CDH12: variants seen among roughly 807,000 people sequenced by gnomAD.
CDH12 encodes the protein cadherin-12.
CDH12 carries 41 observed loss-of-function variants against 74.1 expected under a neutral mutation model. That is an observed-to-expected ratio of 0.55 (90% CI 0.43 to 0.72). The LOEUF is 0.72. CDH12 is among the 30% of genes least tolerant of loss of function. CDH12 has a pLI of 0.00. For synonymous variants in CDH12, 399 were observed against 355.0 expected (o/e 1.12, Z -1.39); for missense variants, 945 against 977.2 (o/e 0.97, Z 0.44).
intron 1 of CDH12, among the ~76,000 whole-genome samples, chr5:22,768,642 A>T (rs1243479305): frequency 6.6e-6 from 1 of 152,262 alleles, no homozygotes; most frequent in Non-Finnish European, 1.5e-5. Context: ...CTCTATCATC[A>T]TCTATAAAGA....
At chr5:22,705,045 C>T (rs993745998) in intron 1 of CDH12, among the ~76,000 whole-genome samples, 28 of 151,020 alleles carry the variant, frequency 1.9e-4, no homozygotes, top group African/African-American at 2.4e-4. Flanking sequence ...TATACACACA[C>T]GCATATATAA....
chr5:22,388,344 T>C (rs1742089362), intron 3 of CDH12, among the ~76,000 whole-genome samples: 1 of 151,914 alleles, frequency 6.6e-6, no homozygotes. Flanking sequence ...TGTATAATAA[T>C]ATATTAAAGA....
At chr5:22,831,287 A>G (rs1398543614) in intron 1 of CDH12, among the ~76,000 whole-genome samples, 1 of 152,068 alleles carries the variant, frequency 6.6e-6, no homozygotes, top group African/African-American at 2.4e-5. Context: ...AATTAGTGAA[A>G]GAGAATTGAG....
At chr5:21,950,743 T>C (rs1354984530) in intron 6 of CDH12, among the ~76,000 whole-genome samples, 3 of 145,984 alleles carry the variant, frequency 2.1e-5, no homozygotes, top group Admixed American at 7.0e-5. Context: ...ATATATCAGC[T>C]ACATAAATTT....
intron 6 of CDH12, among the ~76,000 whole-genome samples, chr5:21,885,803 T>A (rs1752599575): frequency 6.6e-6 from 1 of 152,150 alleles, no homozygotes; most frequent in Non-Finnish European, 1.5e-5. Context: ...CAGTATATTA[T>A]TAAATCTTAT....
chr5:22,533,916 G>A (rs1367772754), intron 1 of CDH12, among the ~76,000 whole-genome samples: 1 of 152,134 alleles, frequency 6.6e-6, no homozygotes, highest in Non-Finnish European at 1.5e-5. Context: ...AGTTGTAGAA[G>A]TTCTAGTCCT....
chr5:22,531,312 T>C (rs1223958193), intron 1 of CDH12, among the ~76,000 whole-genome samples: 2 of 152,142 alleles, frequency 1.3e-5, no homozygotes, highest in African/African-American at 4.8e-5. Context: ...CATCTTAGTG[T>C]TTATATTTTC....
At chr5:22,435,537 T>C (rs1239944830) in intron 2 of CDH12, among the ~76,000 whole-genome samples, 4 of 150,450 alleles carry the variant, frequency 2.7e-5, no homozygotes, top group African/African-American at 9.8e-5. Context: ...TATACATATA[T>C]ACTATTAGTT....
intron 6 of CDH12, among the ~76,000 whole-genome samples, chr5:21,937,841 T>C (rs1336950750): frequency 6.6e-6 from 1 of 152,190 alleles, no homozygotes; most frequent in African/African-American, 2.4e-5. Flanking sequence ...CTCTCCACTG[T>C]GGGACCTTGG....
intron 4 of CDH12, chr5:22,143,245 C>T (rs1746921231): frequency 6.5e-6 from 1 of 153,310 alleles, no homozygotes; most frequent in African/African-American, 2.4e-5. Flanking sequence ...TTTATATATA[C>T]ATAAACCTAA....
intron 3 of CDH12, among the ~76,000 whole-genome samples, chr5:22,260,445 T>C (rs1473600875): frequency 6.6e-6 from 1 of 152,114 alleles, no homozygotes; most frequent in East Asian, 1.9e-4. Flanking sequence ...CAACACCAAC[T>C]GCTCAGACGA....
intron 1 of CDH12, among the ~76,000 whole-genome samples, chr5:22,613,916 T>C (rs1351593664): frequency 1.3e-5 from 2 of 152,132 alleles, no homozygotes; most frequent in Non-Finnish European, 2.9e-5. Context: ...TTATTTTATA[T>C]TTTTCATTTC....
chr5:22,517,037 A>T (rs1032572361), intron 1 of CDH12, among the ~76,000 whole-genome samples: 2 of 152,046 alleles, frequency 1.3e-5, no homozygotes, highest in Admixed American at 6.6e-5. Context: ...TCTTTTTAAA[A>T]TTTTTTAAAA....
At chr5:22,204,506 T>C (rs1265832136) in intron 4 of CDH12, among the ~76,000 whole-genome samples, 1 of 152,210 alleles carries the variant, frequency 6.6e-6, no homozygotes, top group Non-Finnish European at 1.5e-5. Context: ...TGTATTTCTA[T>C]TTGAAGTAGT....
At chr5:21,774,743 C>T (rs1025159994) in intron 11 of CDH12, among the ~76,000 whole-genome samples, 13 of 151,794 alleles carry the variant, frequency 8.6e-5, no homozygotes, top group Admixed American at 2.0e-4. Flanking sequence ...AAGGCATTTA[C>T]GAAAAATAAG....
intron 2 of CDH12, among the ~76,000 whole-genome samples, chr5:22,454,960 C>T (rs1052348711): frequency 1.4e-4 from 21 of 152,006 alleles, no homozygotes; most frequent in African/African-American, 4.8e-4. Flanking sequence ...AGATGCTTGG[C>T]AGGTTCAAAG....
chr5:22,625,008 T>C (rs1345598355), intron 1 of CDH12, among the ~76,000 whole-genome samples: 1 of 152,126 alleles, frequency 6.6e-6, no homozygotes, highest in African/African-American at 2.4e-5. Context: ...ATGTCCTTTG[T>C]AGGGACACGG....
In CDH12 at chr5:22,117,451, A is replaced by AT. The variant is rs1561128527; in HGVS notation, c.-186-38590dup. 2.7e-3 allele frequency among the ~76,000 whole-genome samples: 217 copies of AT among 79,824 alleles called. 2 individuals are homozygous for AT. The highest frequency in any genetic ancestry group is 0.011 in the African/African-American group (205 of 19,144). The allele number at this position is 79,824 out of a possible 152,430, so 52.4% of individuals were successfully genotyped here. A position where few individuals can be genotyped will look rare whatever the true frequency, so the allele number is the denominator to read the frequency against. ...CATATATAAATTATATATATATAATATATATATTATATATATAATATATAT... is the reference window on the plus strand; with the variant it reads ...CATATATAAATTATATATATATAATATTATATATTATATATATAATATATAT... On this transcript the variant is annotated intron_variant, in intron 4 of 14. Transcript: ENST00000382254.
chr5:22,195,938 A>T (rs1279499930), intron 4 of CDH12, among the ~76,000 whole-genome samples: 2 of 152,030 alleles, frequency 1.3e-5, no homozygotes, highest in Non-Finnish European at 2.9e-5. Context: ...AGTAGCAATA[A>T]TTTTTTAAAA....
Sources: allele counts gnomAD v4.1 joint callset (sites outside exome capture counted in the v4.1 genomes callset), GRCh38; gene constraint gnomAD v4.1.1; transcripts MANE v1.5; gene names NCBI Gene and HGNC (gene_info 2026-07-23, HGNC 2026-07-21).